Variants in DGCR2 observed in about 807,000 individuals in gnomAD.
DGCR2 encodes DiGeorge syndrome critical region gene 2, also known as integral membrane protein DGCR2/IDD.
DGCR2 carries 24 observed loss-of-function variants against 51.6 expected under a neutral mutation model. That is an observed-to-expected ratio of 0.47 (90% CI 0.34 to 0.65). The LOEUF (loss-of-function observed/expected upper bound fraction) is 0.65. Among genes scored for constraint, DGCR2 ranks in the 30% least tolerant of loss-of-function variants. The probability of loss-of-function intolerance (pLI) is 0.01; values close to 1 mark genes in which losing one functional copy is unlikely to be tolerated. For missense variants in DGCR2, 765 were observed against 772.1 expected, an observed-to-expected ratio of 0.99 and a Z score of 0.11; for synonymous variants, 340 against 315.4, an observed-to-expected ratio of 1.08 and a Z score of -0.82.
chr22:19,095,565 G>A (rs1219748049), intron 1 of DGCR2, among the ~76,000 whole-genome samples: 1 of 151,220 alleles, frequency 6.6e-6, no homozygotes, highest in Non-Finnish European at 1.5e-5. Flanking sequence ...GGAGGCTGAG[G>A]CAGAAGAATG....
intron 1 of DGCR2, among the ~76,000 whole-genome samples, chr22:19,108,096 G>C (rs1601302754): frequency 6.6e-6 from 1 of 152,190 alleles, no homozygotes; most frequent in African/African-American, 2.4e-5. Flanking sequence ...AGCAGGAGGA[G>C]AACCATAAGG....
chr22:19,094,282 G>C (rs117730536), intron 1 of DGCR2, among the ~76,000 whole-genome samples: 1 of 152,166 alleles, frequency 6.6e-6, no homozygotes, highest in South Asian at 2.1e-4. Context: ...GCAAAAATTA[G>C]ATGGGTGCGG....
At chr22:19,063,090 T>G in intron 5 of DGCR2, 112 bp downstream of exon 5, 1 of 1,033,806 alleles carries the variant, frequency 9.7e-7, no homozygotes, top group South Asian at 1.4e-5. Flanking sequence ...ACCCACTCCC[T>G]GCACAGCACC....
chr22:19,064,723 G>T, intron 4 of DGCR2, 125 bp downstream of exon 4: 1 of 887,778 alleles, frequency 1.1e-6, no homozygotes, highest in Non-Finnish European at 1.8e-6. Flanking sequence ...AGTGGGCGAG[G>T]CTGGTCTTCC....
At chr22:19,062,542 CA>C (rs2082676286) in intron 5 of DGCR2, among the ~76,000 whole-genome samples, 1 of 152,108 alleles carries the variant, frequency 6.6e-6, no homozygotes. Context: ...AAGTACAGCC[CA>C]ACAGACAGGG....
intron 1 of DGCR2, among the ~76,000 whole-genome samples, chr22:19,099,430 C>T (rs2083177302): frequency 6.7e-6 from 1 of 150,128 alleles, no homozygotes. Flanking sequence ...AAATACAAAA[C>T]ATAAGCCAGA....
At chr22:19,088,801 G>C (rs962620339) in intron 2 of DGCR2, among the ~76,000 whole-genome samples, 5 of 152,194 alleles carry the variant, frequency 3.3e-5, no homozygotes, top group African/African-American at 9.7e-5. Flanking sequence ...GGGGTGCCCT[G>C]TATTCCTTGA....
chr22:19,068,346 C>T (rs569194248), intron 2 of DGCR2, 121 bp from the exon 3 acceptor site: 33 of 1,207,450 alleles, frequency 2.7e-5, no homozygotes, highest in South Asian at 2.1e-4. Flanking sequence ...GCACAGAGTC[C>T]GGCAATGCAG....
intron 3 of DGCR2, 143 bp downstream of exon 3, chr22:19,067,957 C>T (rs1569058363): frequency 1.3e-5 from 16 of 1,198,626 alleles, no homozygotes; most frequent in Non-Finnish European, 1.8e-5. Flanking sequence ...GGTGGGTCAT[C>T]ATGCAGCCTC....
chr22:19,089,367 C>T lies in DGCR2; in HGVS notation c.202+1G>A, dbSNP rs751178981. ...GTACCCCGCCTACTCAACACACTCACCTGGACAGTTGGCTTCGTCGCTCTC... is the reference window on the plus strand; with the variant it reads ...GTACCCCGCCTACTCAACACACTCATCTGGACAGTTGGCTTCGTCGCTCTC... On this transcript the variant is annotated splice_donor_variant, in intron 2 of 9. Transcript: ENST00000263196. LOFTEE classifies it high-confidence loss of function. The T allele has an allele frequency of 6.2e-7, 1 of 1,603,058 alleles. No homozygotes were observed. The highest frequency in any genetic ancestry group is 8.5e-7 in the Non-Finnish European group (1 of 1,174,106).
chr22:19,089,334 G>A (rs1366535581), intron 2 of DGCR2, 34 bp downstream of exon 2: 1 of 1,545,642 alleles, frequency 6.5e-7, no homozygotes, highest in Non-Finnish European at 8.8e-7. Flanking sequence ...AAAGAGACAA[G>A]GTGGTGTGTA....
intron 2 of DGCR2, among the ~76,000 whole-genome samples, chr22:19,077,916 C>T (rs1342444348): frequency 1.3e-5 from 2 of 151,758 alleles, no homozygotes; most frequent in Non-Finnish European, 2.9e-5. Context: ...GCAATCTTCA[C>T]GTTCTGGGTT....
chr22:19,109,403 G>A (rs925330172), intron 1 of DGCR2, among the ~76,000 whole-genome samples: 2 of 152,174 alleles, frequency 1.3e-5, no homozygotes, highest in African/African-American at 2.4e-5. Flanking sequence ...CGACCCAGGT[G>A]TACACTAAAT....
chr22:19,105,466 T>A (rs775664068), intron 1 of DGCR2, among the ~76,000 whole-genome samples: 1 of 152,140 alleles, frequency 6.6e-6, no homozygotes, highest in Non-Finnish European at 1.5e-5. Context: ...GGGCCTTGAA[T>A]GGGGCCTCAG....
At chr22:19,093,160 G>A (rs1444034260) in intron 1 of DGCR2, among the ~76,000 whole-genome samples, 2 of 151,772 alleles carry the variant, frequency 1.3e-5, no homozygotes, top group Non-Finnish European at 2.9e-5. Context: ...CGGGAGCTCC[G>A]AACCAGCCTG....
chr22:19,095,675 A>C (rs1438465605), intron 1 of DGCR2, among the ~76,000 whole-genome samples: 1 of 151,964 alleles, frequency 6.6e-6, no homozygotes, highest in African/African-American at 2.4e-5. Context: ...AAAAAAAAAA[A>C]AACAACTCAA....
chr22:19,063,142 G>A (rs979207109), intron 5 of DGCR2, 60 bp downstream of exon 5: 7 of 1,491,072 alleles, frequency 4.7e-6, no homozygotes, highest in Middle Eastern at 1.7e-4. Flanking sequence ...AGGAGGGGAG[G>A]CCCCGAATCA....
intron 5 of DGCR2, among the ~76,000 whole-genome samples, chr22:19,062,505 C>G (rs1182946498): frequency 1.3e-5 from 2 of 152,124 alleles, no homozygotes; most frequent in Non-Finnish European, 2.9e-5. Flanking sequence ...GAAAAGAACC[C>G]AAATCCTAGC....
intron 2 of DGCR2, among the ~76,000 whole-genome samples, chr22:19,087,849 C>T (rs1408066395): frequency 6.6e-6 from 1 of 151,956 alleles, no homozygotes; most frequent in Non-Finnish European, 1.5e-5. Context: ...CACACCTGGC[C>T]AATTTTTGTA....
Sources: gnomAD v4.1 joint callset for allele counts (sites outside exome capture counted in the v4.1 genomes callset) on GRCh38, gnomAD v4.1.1 for gene constraint, MANE v1.5 for transcripts, NCBI Gene and HGNC (gene_info 2026-07-23, HGNC 2026-07-21) for gene names.